SLC38A12: variants seen among roughly 807,000 people sequenced by gnomAD.
SLC38A12 encodes solute carrier family 38 member 12.
chr17:74,778,423 A>G, the SLC38A12 span, among the ~76,000 whole-genome samples: 2 of 152,102 alleles, frequency 1.3e-5, no homozygotes, highest in Non-Finnish European at 2.9e-5. Flanking sequence ...TGCCTTGTAC[A>G]TAGCTTCCTA....
the SLC38A12 span, among the ~76,000 whole-genome samples, chr17:74,802,878 T>C: frequency 1.3e-5 from 2 of 152,002 alleles, no homozygotes; most frequent in African/African-American, 4.8e-5. Context: ...GCAAGCCAGG[T>C]TTACTCCCGG....
the SLC38A12 span, among the ~76,000 whole-genome samples, chr17:74,828,663 C>T: frequency 1.3e-5 from 2 of 152,184 alleles, no homozygotes; most frequent in South Asian, 4.1e-4. Context: ...CAGACCCAGC[C>T]AGTGCCTCCC....
the SLC38A12 span, among the ~76,000 whole-genome samples, chr17:74,781,445 C>T: frequency 2.6e-5 from 4 of 152,056 alleles, no homozygotes; most frequent in Non-Finnish European, 4.4e-5. Flanking sequence ...CCACCGTCCC[C>T]GGCTAATATT....
the SLC38A12 span, among the ~76,000 whole-genome samples, chr17:74,796,586 G>A: frequency 4.6e-5 from 7 of 152,264 alleles, no homozygotes; most frequent in Non-Finnish European, 8.8e-5. Context: ...CTCTGCAGCC[G>A]TGCTGTAGGA....
At chr17:74,786,152 G>A in the SLC38A12 span, among the ~76,000 whole-genome samples, 20 of 152,320 alleles carry the variant, frequency 1.3e-4, no homozygotes, top group South Asian at 3.9e-3. Context: ...TGAGCCAGGT[G>A]TGTGGGCCTC....
the SLC38A12 span, chr17:74,795,228 T>C: frequency 1.2e-6 from 1 of 852,542 alleles, no homozygotes; most frequent in Admixed American, 2.0e-5. Flanking sequence ...ATCTAGGGAA[T>C]GCAGATGCCC....
the SLC38A12 span, among the ~76,000 whole-genome samples, chr17:74,783,792 G>A: frequency 9.9e-5 from 14 of 140,832 alleles, no homozygotes; most frequent in Admixed American, 5.1e-4. Context: ...GTGCAGTGGC[G>A]CAATCTTGGC....
the SLC38A12 span, among the ~76,000 whole-genome samples, chr17:74,800,563 G>A: frequency 0.23 from 35,135 of 152,238 alleles, 4,581 homozygotes; most frequent in East Asian, 0.42. Context: ...CAGTGCTGGG[G>A]CAGGAGGTGG....
At chr17:74,795,854 G>A in the SLC38A12 span, among the ~76,000 whole-genome samples, 12 of 152,322 alleles carry the variant, frequency 7.9e-5, no homozygotes, top group Middle Eastern at 3.4e-3. Context: ...AAAGTCAAGC[G>A]TGGTTTGGAG....
the SLC38A12 span, among the ~76,000 whole-genome samples, chr17:74,810,924 C>G: frequency 6.6e-6 from 1 of 152,068 alleles, no homozygotes; most frequent in African/African-American, 2.4e-5. Context: ...CTCTGGCAGA[C>G]GTCTTCCGCA....
the SLC38A12 span, among the ~76,000 whole-genome samples, chr17:74,801,987 C>A: frequency 6.6e-6 from 1 of 152,110 alleles, no homozygotes; most frequent in Admixed American, 6.5e-5. Flanking sequence ...CACCACCCCA[C>A]CCATTCCTCC....
the SLC38A12 span, chr17:74,819,640 A>C: frequency 2.9e-6 from 3 of 1,041,742 alleles, no homozygotes; most frequent in Non-Finnish European, 4.4e-6. Context: ...TGCCCAAGTC[A>C]GGCCCGGCCT....
At chr17:74,813,005 G>A in the SLC38A12 span, among the ~76,000 whole-genome samples, 1 of 152,126 alleles carries the variant, frequency 6.6e-6, no homozygotes, top group Admixed American at 6.5e-5. Flanking sequence ...ATTTTTAGAG[G>A]GAAAGAAATA....
At chr17:74,836,816 C>G in the SLC38A12 span, 1 of 1,429,656 alleles carries the variant, frequency 7.0e-7, no homozygotes, top group African/African-American at 1.5e-5. The surrounding 1 kb of genome is among the most constrained non-coding windows in gnomAD (Gnocchi z 4.2). Context: ...AGGGGAAACC[C>G]CCTGTCCAGC....
the SLC38A12 span, among the ~76,000 whole-genome samples, chr17:74,793,888 G>C: frequency 6.6e-6 from 1 of 152,182 alleles, no homozygotes; most frequent in South Asian, 2.1e-4. Context: ...CAGGCTCCTA[G>C]GAACAGAGCT....
At chr17:74,779,652 C>T in the SLC38A12 span, among the ~76,000 whole-genome samples, 2 of 152,318 alleles carry the variant, frequency 1.3e-5, no homozygotes, top group South Asian at 4.1e-4. Context: ...GCTCTGAGTT[C>T]CCCTGCAGGC....
chr17:74,834,069 C>G, the SLC38A12 span, among the ~76,000 whole-genome samples: 2 of 152,152 alleles, frequency 1.3e-5, no homozygotes, highest in East Asian at 3.9e-4. Context: ...TGCCCTGACA[C>G]AACTCCTGTG....
the SLC38A12 span, chr17:74,838,268 C>T: frequency 1.0e-6 from 1 of 985,838 alleles, no homozygotes; most frequent in Non-Finnish European, 1.2e-6. Flanking sequence ...ACAAATGCCC[C>T]TTCTCCATCT....
the SLC38A12 span, among the ~76,000 whole-genome samples, chr17:74,782,506 T>C: frequency 1.3e-5 from 2 of 152,214 alleles, no homozygotes; most frequent in Non-Finnish European, 2.9e-5. Flanking sequence ...TTGTTGGTTT[T>C]TGAATAAATG....
Sources: gnomAD v4.1 joint callset for allele counts (sites outside exome capture counted in the v4.1 genomes callset) on GRCh38, gnomAD v4.1.1 for gene constraint, Gnocchi (gnomAD v3.1) non-coding constraint, MANE v1.5 for transcripts, NCBI Gene and HGNC (gene_info 2026-07-23, HGNC 2026-07-21) for gene names.